The following KCNAB1 variants were observed in gnomAD, a reference collection of about 807,000 sequenced individuals.
KCNAB1 encodes voltage-gated potassium channel subunit beta-1.
KCNAB1 carries 35 observed loss-of-function variants against 64.6 expected under a neutral mutation model. The observed-to-expected ratio is 0.54, with a 90% CI of 0.41 to 0.72. The LOEUF is 0.72. KCNAB1 is among the 30% of genes least tolerant of loss of function. The pLI, the probability that KCNAB1 is intolerant of heterozygous loss-of-function variation, is 0.00. For missense variants in KCNAB1, 401 were observed against 512.9 expected (o/e 0.78, Z 2.11); for synonymous variants, 177 against 183.8 (o/e 0.96, Z 0.30).
At chr3:156,479,650 TA>T (rs1374983396) in intron 8 of KCNAB1, among the ~76,000 whole-genome samples, 2 of 152,172 alleles carry the variant, frequency 1.3e-5, no homozygotes, top group African/African-American at 4.8e-5. Context: ...TTTTTTATTT[TA>T]AAAACACTTG....
chr3:156,175,658 A>G (rs1712319960), intron 1 of KCNAB1, among the ~76,000 whole-genome samples: 1 of 152,158 alleles, frequency 6.6e-6, no homozygotes, highest in South Asian at 2.1e-4. Context: ...AGGCAGGTGG[A>G]TTTTAGAGGC....
At chr3:156,143,500 T>C (rs1482537557) in intron 1 of KCNAB1, 9 of 937,044 alleles carry the variant, frequency 9.6e-6, no homozygotes, top group Middle Eastern at 2.4e-4. Context: ...AGGACTGAAA[T>C]AGCAAGACAA....
chr3:156,259,707 C>G (rs973304444), intron 1 of KCNAB1, among the ~76,000 whole-genome samples: 12 of 152,158 alleles, frequency 7.9e-5, no homozygotes, highest in Non-Finnish European at 1.0e-4. Context: ...TAAAGCTGTC[C>G]TGCCTTGTCT....
chr3:156,309,817 G>T (rs1721769854), intron 1 of KCNAB1, among the ~76,000 whole-genome samples: 1 of 152,238 alleles, frequency 6.6e-6, no homozygotes, highest in Admixed American at 6.5e-5. Flanking sequence ...ACAAGCCAGA[G>T]ATTGCAGGGG....
At chr3:156,414,739 T>C (rs1363596476) in intron 1 of KCNAB1, among the ~76,000 whole-genome samples, 1 of 152,232 alleles carries the variant, frequency 6.6e-6, no homozygotes, top group African/African-American at 2.4e-5. Context: ...TTTGAGTTAC[T>C]GATGTCCAGC....
intron 1 of KCNAB1, among the ~76,000 whole-genome samples, chr3:156,237,299 A>G (rs915719858): frequency 1.3e-5 from 2 of 152,144 alleles, no homozygotes; most frequent in African/African-American, 2.4e-5. Context: ...TAAAATTGCC[A>G]TTTTTTTCTT....
intron 8 of KCNAB1, among the ~76,000 whole-genome samples, chr3:156,497,735 T>G (rs898717804): frequency 6.6e-6 from 1 of 152,214 alleles, no homozygotes; most frequent in Non-Finnish European, 1.5e-5. Context: ...CATGTAGAAC[T>G]GGTGGGGTTT....
At chr3:156,280,396 T>G (rs1300173842) in intron 1 of KCNAB1, among the ~76,000 whole-genome samples, 1 of 151,714 alleles carries the variant, frequency 6.6e-6, no homozygotes, top group Non-Finnish European at 1.5e-5. Context: ...TGAAGTCAGG[T>G]AGTGTGATGC....
At position 156,357,131 on chromosome 3, in the gene KCNAB1, T is replaced by A. The variant is rs570547158; in HGVS notation, c.276-64485T>A. Reference sequence around the variant, plus strand: ...ATACCACACATTCTCTCTCTCTCTCTCACACATACACAAACACACATGTGC... The same window carrying A: ...ATACCACACATTCTCTCTCTCTCTCACACACATACACAAACACACATGTGC... On this transcript the variant is annotated intron_variant, in intron 1 of 13. Transcript: ENST00000490337. 7.1e-4 allele frequency among the ~76,000 whole-genome samples: 106 copies of A among 149,992 alleles called. 1 individual carries two copies. The highest frequency in any genetic ancestry group is 2.4e-3 in the African/African-American group (95 of 39,736).
At chr3:156,456,745 T>C (rs1712459965) in intron 3 of KCNAB1, among the ~76,000 whole-genome samples, 2 of 152,250 alleles carry the variant, frequency 1.3e-5, no homozygotes, top group South Asian at 4.1e-4. Flanking sequence ...CTGCTGTTTA[T>C]GGCTATCCCT....
At chr3:156,390,140 C>T (rs989352514) in intron 1 of KCNAB1, among the ~76,000 whole-genome samples, 3 of 152,216 alleles carry the variant, frequency 2.0e-5, no homozygotes, top group Admixed American at 2.0e-4. Context: ...AAAGGGCTTT[C>T]TTCAAACCTA....
chr3:156,238,427 A>G (rs1461792503), intron 1 of KCNAB1, among the ~76,000 whole-genome samples: 2 of 151,582 alleles, frequency 1.3e-5, no homozygotes, highest in Non-Finnish European at 2.9e-5. Context: ...GTCTCAAAAA[A>G]AAAAAAAAAA....
intron 1 of KCNAB1, among the ~76,000 whole-genome samples, chr3:156,405,980 G>T (rs1714220177): frequency 6.6e-6 from 1 of 152,096 alleles, no homozygotes; most frequent in Non-Finnish European, 1.5e-5. Context: ...GAAAAGAACA[G>T]TTTTTTTGTA....
At chr3:156,243,841 A>G (rs750693222) in intron 1 of KCNAB1, among the ~76,000 whole-genome samples, 3 of 152,228 alleles carry the variant, frequency 2.0e-5, no homozygotes, top group Non-Finnish European at 2.9e-5. Context: ...GGAATGTGCC[A>G]TCTAGATGCA....
intron 8 of KCNAB1, among the ~76,000 whole-genome samples, chr3:156,487,410 C>T (rs1220417199): frequency 6.6e-6 from 1 of 152,126 alleles, no homozygotes; most frequent in Non-Finnish European, 1.5e-5. Flanking sequence ...AAGCCTCAAC[C>T]TCTGCAGTTT....
chr3:156,320,704 G>C (rs1172881396), intron 1 of KCNAB1, among the ~76,000 whole-genome samples: 1 of 152,098 alleles, frequency 6.6e-6, no homozygotes, highest in Non-Finnish European at 1.5e-5. Flanking sequence ...TATTGCTCTG[G>C]GCTGGCCTAC....
chr3:156,432,042 C>T (rs2108244524), intron 2 of KCNAB1, among the ~76,000 whole-genome samples: 1 of 152,262 alleles, frequency 6.6e-6, no homozygotes, highest in Non-Finnish European at 1.5e-5. Context: ...GATTCATTCT[C>T]AAAAGAAAAT....
intron 1 of KCNAB1, among the ~76,000 whole-genome samples, chr3:156,264,644 A>G (rs74908766): frequency 0.025 from 3,791 of 152,166 alleles, 203 homozygotes; most frequent in East Asian, 0.13. Flanking sequence ...CTTCGCTCCA[A>G]TATACTTCCA....
chr3:156,220,571 T>C (rs956824844), intron 1 of KCNAB1, among the ~76,000 whole-genome samples: 1 of 152,228 alleles, frequency 6.6e-6, no homozygotes, highest in African/African-American at 2.4e-5. Context: ...AGTTTTGATT[T>C]TTTCTTGTAA....
Sources: gnomAD v4.1 joint callset for allele counts (sites outside exome capture counted in the v4.1 genomes callset) on GRCh38, gnomAD v4.1.1 for gene constraint, MANE v1.5 for transcripts, NCBI Gene and HGNC (gene_info 2026-07-23, HGNC 2026-07-21) for gene names.